Variants in COL4A4 observed in about 807,000 individuals in gnomAD.
COL4A4 encodes the protein collagen type IV alpha 4 chain.
Under a neutral mutation model 192.9 loss-of-function variants are expected in COL4A4, and 105 were observed. The observed-to-expected ratio is 0.54, with a 90% CI of 0.46 to 0.64. The LOEUF (loss-of-function observed/expected upper bound fraction) is 0.64, where lower values mean the gene tolerates loss of function less well. Among genes scored for constraint, COL4A4 ranks in the 30% least tolerant of loss-of-function variants. The probability of loss-of-function intolerance (pLI) is 0.00; values close to 1 mark genes in which losing one functional copy is unlikely to be tolerated. For missense variants in COL4A4, 1,967 were observed against 2,169.3 expected (o/e 0.91, Z 1.85); for synonymous variants, 762 against 769.9 (o/e 0.99, Z 0.17).
intron 42 of COL4A4, among the ~76,000 whole-genome samples, chr2:227,027,489 AG>A (rs1967162985): frequency 9.2e-6 from 1 of 108,378 alleles, no homozygotes; most frequent in Non-Finnish European, 1.8e-5. Context: ...GAGTGGGAGG[AG>A]GGGGGAGGGG....
intron 26 of COL4A4, among the ~76,000 whole-genome samples, chr2:227,061,477 T>C (rs549058107): frequency 7.9e-5 from 12 of 152,216 alleles, no homozygotes; most frequent in Admixed American, 1.3e-4. Flanking sequence ...ATGAGATGCA[T>C]GTTGCAACCC....
intron 37 of COL4A4, among the ~76,000 whole-genome samples, chr2:227,036,376 A>C (rs1969675814): frequency 6.6e-6 from 1 of 152,142 alleles, no homozygotes; most frequent in Non-Finnish European, 1.5e-5. Context: ...TACTTTTAAC[A>C]CATAGGGTGA....
chr2:227,101,518 A>C lies in COL4A4; in HGVS notation c.1015T>G (p.Leu339Val). The C allele has an allele frequency of 2.5e-6, 4 of 1,612,238 alleles. No homozygotes were observed. The highest frequency in any genetic ancestry group is 3.4e-6 in the Non-Finnish European group (4 of 1,178,968). Residue 339 changes from leucine to valine, a missense_variant, in exon 17 of 48, where the codon TTA becomes GTA. Leu to Val is a conservative substitution (Grantham distance 32). Coordinates refer to ENST00000396625, the MANE Select transcript of COL4A4 (RefSeq NM_000092.5). ...TCACTTTTTACCTTTGGGCCAATTA[A>C]TCCAAATAGCCCAGGATCTCCAACC... ...GLVGDPGLFGLIGPKGDPGNR... is the reference protein window; with the variant it reads ...GLVGDPGLFGVIGPKGDPGNR...
chr2:227,007,355 G>A lies in COL4A4; in HGVS notation c.5043C>T (p.Ser1681=), dbSNP rs2149713107. 1.9e-6 allele frequency: 3 copies of A among 1,614,252 alleles called. No individual in the cohort carries two copies. Among genetic ancestry groups the A allele is most frequent in the Non-Finnish European group, 2.5e-6 (3 of 1,180,056 alleles). The change falls in exon 48 of 48, where the codon AGC becomes AGT. Residue 1681 remains serine, a synonymous_variant. Coordinates refer to ENST00000396625, the MANE Select transcript of COL4A4 (RefSeq NM_000092.5). The stretch of plus-strand genomic sequence containing the variant: ...TATACTTCACGCAGACCTGGCACCG[G>A]CTGATTTTCTGGCGTTGGGCCTGGC... ...KESQAQRQKI[S]RCQVCVKYS is the part of the protein sequence containing the mutation.
At chr2:227,159,011 A>C (rs1415887127) in intron 1 of COL4A4, among the ~76,000 whole-genome samples, 1 of 152,224 alleles carries the variant, frequency 6.6e-6, no homozygotes, top group Non-Finnish European at 1.5e-5. Context: ...TTGTAGAAAA[A>C]TATTCATAGT....
At position 227,140,875 on chromosome 2, in the gene COL4A4, T is replaced by TCACA. The variant is rs71036159; in HGVS notation, c.115-641_115-638dup. ...ACTTTCCAACACTGTCTTTAGAGCA[T>TCACA]CACACACACACACACACACACACAC... On this transcript the variant is annotated intron_variant, in intron 3 of 47. Coordinates refer to ENST00000396625, the MANE Select transcript of COL4A4 (RefSeq NM_000092.5). Among the ~76,000 whole-genome samples the TCACA allele has an allele frequency of 9.1e-3, 1,267 of 139,820 alleles. 13 individuals are homozygous for TCACA. The highest frequency in any genetic ancestry group is 0.021 in the Admixed American group (287 of 13,886). 91.7% of individuals were successfully genotyped at this position (139,820 alleles called of 152,430 possible).
At chr2:227,048,971 T>A (rs961636857) in intron 34 of COL4A4, among the ~76,000 whole-genome samples, 8 of 152,206 alleles carry the variant, frequency 5.3e-5, no homozygotes, top group African/African-American at 1.9e-4. Context: ...AGAGTGTCTC[T>A]CAAAGTAGTA....
At chr2:226,981,067 G>A in the COL4A4 span, among the ~76,000 whole-genome samples, 5 of 152,176 alleles carry the variant, frequency 3.3e-5, no homozygotes, top group African/African-American at 1.2e-4. Context: ...GGATGGGCTT[G>A]TTTGTAAGAG....
At chr2:226,973,082 C>T in the COL4A4 span, among the ~76,000 whole-genome samples, 1 of 152,186 alleles carries the variant, frequency 6.6e-6, no homozygotes, top group African/African-American at 2.4e-5. Flanking sequence ...TGCCATCCTT[C>T]CTCACAGAAG....
intron 4 of COL4A4, among the ~76,000 whole-genome samples, chr2:227,130,370 A>C (rs922808727): frequency 6.6e-6 from 1 of 152,202 alleles, no homozygotes; most frequent in Non-Finnish European, 1.5e-5. Context: ...GGGTTTTCCC[A>C]TTTTAAAACA....
intron 20 of COL4A4, among the ~76,000 whole-genome samples, chr2:227,091,989 TACTG>T (rs1467907640): frequency 1.6e-4 from 25 of 152,004 alleles, no homozygotes; most frequent in African/African-American, 4.8e-4. Context: ...TAAAACTGCT[TACTG>T]ACTGTGTGCA....
intron 4 of COL4A4, among the ~76,000 whole-genome samples, chr2:227,133,790 C>T (rs1362555307): frequency 6.6e-6 from 1 of 151,902 alleles, no homozygotes; most frequent in East Asian, 1.9e-4. Flanking sequence ...ACTCGGGAGG[C>T]TGAGGCAGAA....
At chr2:226,982,065 T>A in the COL4A4 span, among the ~76,000 whole-genome samples, 6 of 152,218 alleles carry the variant, frequency 3.9e-5, no homozygotes, top group Non-Finnish European at 8.8e-5. Flanking sequence ...CTTTCACATA[T>A]TTTCAACTTC....
At chr2:227,091,301 T>TAG (rs1269154523) in intron 20 of COL4A4, among the ~76,000 whole-genome samples, 3 of 147,076 alleles carry the variant, frequency 2.0e-5, no homozygotes, top group Non-Finnish European at 4.4e-5. Context: ...GATATAGATA[T>TAG]AAATAGATCA....
intron 1 of COL4A4, among the ~76,000 whole-genome samples, chr2:227,161,249 T>A (rs572164751): frequency 8.5e-5 from 13 of 152,334 alleles, no homozygotes; most frequent in African/African-American, 3.1e-4. Flanking sequence ...GGGGCTTACA[T>A]TGAAATGTAG....
At chr2:227,045,069 G>A (rs927721599) in intron 35 of COL4A4, among the ~76,000 whole-genome samples, 3 of 152,140 alleles carry the variant, frequency 2.0e-5, no homozygotes, top group Admixed American at 6.6e-5. Context: ...GGACTACCCT[G>A]AGCTTATGAA....
intron 16 of COL4A4, 75 bp from the exon 17 acceptor site, chr2:227,101,632 A>G (rs1302124769): frequency 6.3e-6 from 9 of 1,418,638 alleles, no homozygotes; most frequent in Non-Finnish European, 8.9e-6. Flanking sequence ...CATTTAATTT[A>G]AGCAACACAT....
At chr2:226,981,728 C>T in the COL4A4 span, among the ~76,000 whole-genome samples, 1 of 152,152 alleles carries the variant, frequency 6.6e-6, no homozygotes, top group Non-Finnish European at 1.5e-5. Flanking sequence ...TTAAAATGAC[C>T]ATCATACTTC....
chr2:227,050,877 G>A, intron 33 of COL4A4, 100 bp downstream of exon 33: 1 of 1,372,526 alleles, frequency 7.3e-7, no homozygotes, highest in African/African-American at 1.4e-5. Flanking sequence ...GCCAGTGAAA[G>A]GGCAATGGTA....
Sources: gnomAD v4.1 joint callset for allele counts (sites outside exome capture counted in the v4.1 genomes callset) on GRCh38, gnomAD v4.1.1 for gene constraint, MANE v1.5 for transcripts, NCBI Gene and HGNC (gene_info 2026-07-23, HGNC 2026-07-21) for gene names.